ATOH8: variants seen among roughly 807,000 people sequenced by gnomAD.
ATOH8 encodes the protein transcription factor ATOH8.
Under a neutral mutation model 21.2 loss-of-function variants are expected in ATOH8, and 9 were observed. The ratio of observed to expected loss-of-function variants is 0.42; its 90% CI spans 0.26 to 0.74. The LOEUF (loss-of-function observed/expected upper bound fraction) is 0.74. ATOH8 is among the 30% of genes least tolerant of loss of function. ATOH8 has a pLI of 0.24. For synonymous variants in ATOH8, 253 were observed against 224.0 expected, an observed-to-expected ratio of 1.13 and a Z score of -1.16; for missense variants, 524 against 470.9, an observed-to-expected ratio of 1.11 and a Z score of -1.04.
Position 85,759,904 on chromosome 2 carries a change from C to T in ATOH8, c.769-4087C>T, listed in dbSNP as rs62147466. Among the ~76,000 whole-genome samples, 62 of 152,058 alleles carry T rather than the reference C, an allele frequency of 4.1e-4. 2 individuals carry two copies. The highest frequency in any genetic ancestry group is 3.0e-3 in the Admixed American group (46 of 15,280). ...TTTGTTGCATTCTCTGGTGGGTTCT[C>T]GGAGTTGTTTCTTTAGGAAGTTTTC... On this transcript the variant is annotated intron_variant, in intron 1 of 2. Transcript: ENST00000306279.
At chr2:85,755,094 G>A in intron 1 of ATOH8, 137 bp downstream of exon 1, 2 of 1,204,464 alleles carry the variant, frequency 1.7e-6, no homozygotes, top group Non-Finnish European at 2.2e-6. Context: ...GCCCAGACAG[G>A]TGTGGGCAGT....
At chr2:85,763,008 A>G (rs894207662) in intron 1 of ATOH8, among the ~76,000 whole-genome samples, 26 of 152,128 alleles carry the variant, frequency 1.7e-4, no homozygotes, top group Non-Finnish European at 2.8e-4. Context: ...GAGTTCATCA[A>G]TGATATGGAT....
At chr2:85,777,355 AG>A (rs1027045458) in intron 2 of ATOH8, among the ~76,000 whole-genome samples, 84 of 152,338 alleles carry the variant, frequency 5.5e-4, no homozygotes, top group African/African-American at 2.0e-3. Context: ...TTGGGGTATC[AG>A]GCCATGGAGC....
intron 1 of ATOH8, among the ~76,000 whole-genome samples, chr2:85,755,937 T>G (rs1208297468): frequency 6.6e-6 from 1 of 152,022 alleles, no homozygotes; most frequent in Non-Finnish European, 1.5e-5. Flanking sequence ...TGCAGCTGAC[T>G]TGCTGTGTGA....
At chr2:85,780,996 G>A (rs1395255087) in intron 2 of ATOH8, 1 of 987,900 alleles carries the variant, frequency 1.0e-6, no homozygotes, top group Non-Finnish European at 1.2e-6. Flanking sequence ...CAGAAGCCCA[G>A]GCTTTGCGCC....
intron 2 of ATOH8, chr2:85,774,362 C>G (rs1224569358): frequency 2.1e-5 from 21 of 985,472 alleles, no homozygotes; most frequent in Non-Finnish European, 2.5e-5. Context: ...AGGCCTCAGA[C>G]AGGGTGTCAG....
At chr2:85,763,357 G>A (rs529637512) in intron 1 of ATOH8, among the ~76,000 whole-genome samples, 4 of 152,290 alleles carry the variant, frequency 2.6e-5, no homozygotes, top group Middle Eastern at 3.4e-3. Flanking sequence ...GTTCAGTGCC[G>A]TGTGTATTAC....
chr2:85,774,083 A>G (rs1372891844), intron 2 of ATOH8: 3 of 984,824 alleles, frequency 3.0e-6, no homozygotes, highest in Middle Eastern at 5.2e-4. Context: ...TTCATGGATT[A>G]GTGGCATAAA....
At chr2:85,781,075 AG>A in intron 2 of ATOH8, 1 of 988,106 alleles carries the variant, frequency 1.0e-6, no homozygotes. Context: ...GTCAAACGCA[AG>A]GATGTCCAGG....
At chr2:85,769,811 T>C (rs1468722507) in intron 2 of ATOH8, among the ~76,000 whole-genome samples, 1 of 152,146 alleles carries the variant, frequency 6.6e-6, no homozygotes, top group Admixed American at 6.5e-5. Context: ...GCACCCTGCC[T>C]GGATTCAGTT....
At chr2:85,769,666 T>C (rs72928931) in intron 2 of ATOH8, among the ~76,000 whole-genome samples, 6,022 of 152,202 alleles carry the variant, frequency 0.04, 426 homozygotes, top group African/African-American at 0.14. Context: ...TTTTGTCGGG[T>C]GAAGGGGGTT....
In ATOH8 at chr2:85,754,791, A is replaced by C. The variant is rs768036689; in HGVS notation, c.602A>C (p.Asn201Thr). 5 of 1,612,854 alleles carry C rather than the reference A, an allele frequency of 3.1e-6. No homozygotes were observed. Among genetic ancestry groups the C allele is most frequent in the South Asian group, 2.2e-5 (2 of 91,088 alleles). ...SYSSISHVIY[N>T]NHQDSSASPR... ...TCGTCAATTTCACACGTAATTTACA[A>C]TAACCACCAGGATTCCTCCGCGTCG... is the stretch of plus-strand genomic sequence containing the variant. Residue 201 changes from asparagine (N) to threonine (T), a missense_variant, in exon 1 of 3, where the codon AAT (asparagine) becomes ACT (threonine). Asn to Thr is a moderately conservative substitution (Grantham distance 65). Coordinates refer to ENST00000306279, the MANE Select transcript of ATOH8 (RefSeq NM_032827.7).
At chr2:85,774,328 G>C (rs1680268958) in intron 2 of ATOH8, 1 of 985,518 alleles carries the variant, frequency 1.0e-6, no homozygotes, top group African/African-American at 1.7e-5. Flanking sequence ...GCTCAGCCTT[G>C]AGCCCTGCAC....
In ATOH8 at chr2:85,757,807, A is replaced by T. The variant is rs1410098780; in HGVS notation, c.768+2850A>T. On this transcript the variant is annotated intron_variant, in intron 1 of 2. Transcript: ENST00000306279. ...TTTCATTTTTTTTTTTTTTTTTGAG[A>T]CAGAGTCTCTTTCTGTTGACCAGGC... is the stretch of plus-strand genomic sequence containing the variant. Among the ~76,000 whole-genome samples the T allele has an allele frequency of 4.4e-5, 6 of 135,324 alleles. No homozygotes were observed. In the Admixed American group the frequency reaches 4.7e-4, roughly 11 times the overall value. The allele number at this position is 135,324 out of a possible 152,430, so 88.8% of individuals were successfully genotyped here. A position where few individuals can be genotyped will look rare whatever the true frequency, so the allele number is the denominator to read the frequency against.
chr2:85,772,139 G>A (rs962438148), intron 2 of ATOH8, among the ~76,000 whole-genome samples: 1 of 152,220 alleles, frequency 6.6e-6, no homozygotes, highest in Non-Finnish European at 1.5e-5. Context: ...ATTTAGCTGT[G>A]GGGAGCCAAG....
chr2:85,761,425 T>C (rs1186659122), intron 1 of ATOH8, among the ~76,000 whole-genome samples: 4 of 152,250 alleles, frequency 2.6e-5, no homozygotes, highest in Admixed American at 2.0e-4. Flanking sequence ...ATAGAAACAA[T>C]AGGGCAAGGT....
Position 85,766,341 on chromosome 2 carries a change from C to G in ATOH8, c.960+2159C>G, listed in dbSNP as rs1375060243. Among the ~76,000 whole-genome samples the G allele has an allele frequency of 2.0e-5, 3 of 152,006 alleles. No homozygotes were observed. The highest frequency in any genetic ancestry group is 6.6e-5 in the Admixed American group (1 of 15,262). Reference sequence around the variant, plus strand: ...TGTTTCCTCTCCACCCTCCCTCCCCCACACCCAGCCCGGGCCTGAGGGCAC... The same window carrying G: ...TGTTTCCTCTCCACCCTCCCTCCCCGACACCCAGCCCGGGCCTGAGGGCAC... On this transcript the variant is annotated intron_variant, in intron 2 of 2. Coordinates refer to ENST00000306279, the MANE Select transcript of ATOH8 (RefSeq NM_032827.7). This position sits in a 1 kb window ranked among gnomAD's most constrained non-coding sequence, Gnocchi z 4.0.
At chr2:85,782,502 A>G (rs1203128778) in intron 2 of ATOH8, among the ~76,000 whole-genome samples, 1 of 152,222 alleles carries the variant, frequency 6.6e-6, no homozygotes, top group Non-Finnish European at 1.5e-5. Flanking sequence ...AAAGGTTGCT[A>G]AATTGTTCCA....
intron 2 of ATOH8, among the ~76,000 whole-genome samples, chr2:85,784,080 G>A (rs1443423123): frequency 6.6e-6 from 1 of 152,172 alleles, no homozygotes; most frequent in Non-Finnish European, 1.5e-5. Context: ...CGTCTAGAGG[G>A]CAGGGCCACA....
Sources: allele counts gnomAD v4.1 joint callset (sites outside exome capture counted in the v4.1 genomes callset), GRCh38; gene constraint gnomAD v4.1.1; non-coding constraint Gnocchi (gnomAD v3.1); transcripts MANE v1.5; gene names NCBI Gene and HGNC (gene_info 2026-07-23, HGNC 2026-07-21).